Variants in DGKB observed in about 807,000 individuals in gnomAD.
DGKB encodes diacylglycerol kinase beta, also known as 90 kDa diacylglycerol kinase.
A neutral mutation model predicts 114.3 loss-of-function variants in DGKB; 67 were observed. That is an observed-to-expected ratio of 0.59 (90% CI 0.48 to 0.72). DGKB has a LOEUF of 0.72. DGKB is among the 30% of genes least tolerant of loss of function. The pLI, the probability that DGKB is intolerant of heterozygous loss-of-function variation, is 0.00. For synonymous variants in DGKB, 398 were observed against 323.1 expected, an observed-to-expected ratio of 1.23 and a Z score of -2.49; for missense variants, 907 against 975.2, an observed-to-expected ratio of 0.93 and a Z score of 0.93.
At chr7:14,506,730 T>C (rs904948241) in intron 20 of DGKB, among the ~76,000 whole-genome samples, 2 of 152,132 alleles carry the variant, frequency 1.3e-5, no homozygotes, top group Non-Finnish European at 2.9e-5. Context: ...AATAGAGATA[T>C]CATTCCTTGG....
intron 23 of DGKB, among the ~76,000 whole-genome samples, chr7:14,322,425 T>C (rs1399106287): frequency 6.6e-6 from 1 of 152,158 alleles, no homozygotes; most frequent in Non-Finnish European, 1.5e-5. Context: ...GCTGGGTCAG[T>C]TGGATAATGA....
At chr7:14,793,322 G>C (rs1030757895) in intron 2 of DGKB, among the ~76,000 whole-genome samples, 1 of 152,096 alleles carries the variant, frequency 6.6e-6, no homozygotes, top group Non-Finnish European at 1.5e-5. Context: ...AATCCTGCCT[G>C]ATTGGGTCAT....
At chr7:14,508,874 T>C (rs543956172) in intron 20 of DGKB, among the ~76,000 whole-genome samples, 1 of 152,330 alleles carries the variant, frequency 6.6e-6, no homozygotes, top group African/African-American at 2.4e-5. Flanking sequence ...TTGGTTCATT[T>C]ATATAAGCAT....
chr7:14,569,611 T>C (rs1460586788), intron 20 of DGKB, among the ~76,000 whole-genome samples: 1 of 152,164 alleles, frequency 6.6e-6, no homozygotes, highest in African/African-American at 2.4e-5. Flanking sequence ...GGTTCATTCA[T>C]CTATTATTTC....
At chr7:14,412,126 G>A (rs948139199) in intron 21 of DGKB, among the ~76,000 whole-genome samples, 5 of 152,164 alleles carry the variant, frequency 3.3e-5, no homozygotes, top group African/African-American at 1.2e-4. Context: ...TTGTGTATGT[G>A]TATGCATAGG....
intron 23 of DGKB, among the ~76,000 whole-genome samples, chr7:14,321,195 G>A (rs1562930910): frequency 1.3e-5 from 2 of 152,132 alleles, no homozygotes; most frequent in African/African-American, 4.8e-5. Flanking sequence ...GGAAGCTGAG[G>A]TGGGAGAATC....
chr7:14,847,108 G>A (rs1378939374), intron 1 of DGKB, among the ~76,000 whole-genome samples: 1 of 152,052 alleles, frequency 6.6e-6, no homozygotes, highest in Non-Finnish European at 1.5e-5. Context: ...GGCTAACACG[G>A]TGAAACCCCG....
rs112111319 is a variant in DGKB, at chr7:14,585,781, G to A, written c.1434-2644C>T. Among the ~76,000 whole-genome samples the A allele has an allele frequency of 2.7e-3, 404 of 152,070 alleles. 2 individuals carry two copies. Among genetic ancestry groups the A allele is most frequent in the African/African-American group, 9.3e-3 (385 of 41,482 alleles). The stretch of plus-strand genomic sequence containing the variant: ...TCTGTGTCACATTTTTGTAATTATC[G>A]CAATATTTCAAGCTTTTTCATTATT... On this transcript the variant is annotated intron_variant, in intron 17 of 25. Coordinates refer to ENST00000402815, the MANE Select transcript of DGKB (RefSeq NM_001350709.2).
intron 23 of DGKB, among the ~76,000 whole-genome samples, chr7:14,320,797 C>G (rs1187883956): frequency 6.6e-6 from 1 of 151,998 alleles, no homozygotes; most frequent in Non-Finnish European, 1.5e-5. Flanking sequence ...TGCCTACCAA[C>G]TTTGCCCTTT....
At chr7:14,251,726 T>C (rs546957665) in intron 23 of DGKB, among the ~76,000 whole-genome samples, 1 of 152,294 alleles carries the variant, frequency 6.6e-6, no homozygotes, top group African/African-American at 2.4e-5. Context: ...TGGGGAAGTA[T>C]TTTTCCTTTA....
At chr7:14,704,103 A>G (rs1185764414) in intron 6 of DGKB, among the ~76,000 whole-genome samples, 3 of 151,914 alleles carry the variant, frequency 2.0e-5, no homozygotes, top group African/African-American at 7.3e-5. Context: ...CTTGACTTCT[A>G]CATCTTTTCT....
intron 23 of DGKB, among the ~76,000 whole-genome samples, chr7:14,319,359 A>C (rs1807289949): frequency 6.6e-6 from 1 of 152,180 alleles, no homozygotes. Context: ...CTATTAGACC[A>C]GACATTACAG....
intron 6 of DGKB, among the ~76,000 whole-genome samples, chr7:14,716,793 T>C (rs1025681652): frequency 6.6e-6 from 1 of 152,126 alleles, no homozygotes. Flanking sequence ...ATGATTCTGA[T>C]GTATAGCCAG....
At chr7:14,538,232 C>T (rs1366298946) in intron 20 of DGKB, among the ~76,000 whole-genome samples, 1 of 151,772 alleles carries the variant, frequency 6.6e-6, no homozygotes, top group Non-Finnish European at 1.5e-5. Flanking sequence ...TGGTTAATTT[C>T]CAAAATATAT....
intron 1 of DGKB, among the ~76,000 whole-genome samples, chr7:14,969,457 G>A (rs10227927): frequency 0.032 from 4,803 of 152,206 alleles, 224 homozygotes; most frequent in African/African-American, 0.11. Context: ...CCAACCCCAG[G>A]CCAGGGACCA....
intron 20 of DGKB, among the ~76,000 whole-genome samples, chr7:14,503,935 C>T (rs1359657137): frequency 6.6e-6 from 1 of 152,114 alleles, no homozygotes; most frequent in Non-Finnish European, 1.5e-5. Context: ...TAACAAGTTC[C>T]TGAAACTGTT....
chr7:14,218,994 G>A (rs1307588606), intron 23 of DGKB, among the ~76,000 whole-genome samples: 2 of 151,744 alleles, frequency 1.3e-5, no homozygotes, highest in Non-Finnish European at 2.9e-5. Flanking sequence ...TTCCTATTCT[G>A]AATATTTCAT....
At chr7:14,252,817 C>T (rs762536241) in intron 23 of DGKB, among the ~76,000 whole-genome samples, 2 of 152,246 alleles carry the variant, frequency 1.3e-5, no homozygotes, top group Middle Eastern at 6.8e-3. Flanking sequence ...GTGGAGTACT[C>T]GTTTCACTCT....
chr7:14,931,957 A>C (rs1785041703), intron 1 of DGKB, among the ~76,000 whole-genome samples: 1 of 152,064 alleles, frequency 6.6e-6, no homozygotes, highest in African/African-American at 2.4e-5. Context: ...CTGGTTTTGC[A>C]AGTACTACCT....
Sources: allele counts gnomAD v4.1 joint callset (sites outside exome capture counted in the v4.1 genomes callset), GRCh38; gene constraint gnomAD v4.1.1; transcripts MANE v1.5; gene names NCBI Gene and HGNC (gene_info 2026-07-23, HGNC 2026-07-21).